The following ATRNL1 variants were observed in gnomAD, a reference collection of about 807,000 sequenced individuals.
The protein encoded by ATRNL1 is attractin like 1, also known as attractin-like protein 1.
Under a neutral mutation model 182.7 loss-of-function variants are expected in ATRNL1, and 95 were observed. The observed-to-expected ratio is 0.52, with a 90% CI of 0.44 to 0.62. ATRNL1 has a LOEUF of 0.62. Among genes scored for constraint, ATRNL1 ranks in the 20% least tolerant of loss-of-function variants. ATRNL1 has a pLI of 0.00. For missense variants in ATRNL1, 1,471 were observed against 1,679.5 expected (o/e 0.88, Z 2.17); for synonymous variants, 576 against 568.3 (o/e 1.01, Z -0.19).
intron 24 of ATRNL1, among the ~76,000 whole-genome samples, chr10:115,473,014 G>A (rs782633334): frequency 7.3e-5 from 11 of 151,006 alleles, no homozygotes; most frequent in Admixed American, 1.3e-4. Flanking sequence ...GGTACATTCC[G>A]CTTAAACCTA....
intron 28 of ATRNL1, among the ~76,000 whole-genome samples, chr10:115,924,276 G>T (rs1318954323): frequency 2.6e-5 from 4 of 151,760 alleles, no homozygotes; most frequent in African/African-American, 9.7e-5. Flanking sequence ...GTCAATTTTG[G>T]CTTTTGTTAC....
At chr10:115,726,330 A>G (rs1230161821) in intron 26 of ATRNL1, among the ~76,000 whole-genome samples, 4 of 152,218 alleles carry the variant, frequency 2.6e-5, no homozygotes, top group Non-Finnish European at 5.9e-5. Context: ...CCTTTCTTCA[A>G]TAATACAATT....
chr10:115,199,810 A>G (rs1848492583), intron 8 of ATRNL1, among the ~76,000 whole-genome samples: 2 of 152,164 alleles, frequency 1.3e-5, no homozygotes, highest in African/African-American at 4.8e-5. Context: ...ATTTTCAAGA[A>G]TTAACAGGAC....
At chr10:115,648,953 C>T (rs144243292) in intron 26 of ATRNL1, among the ~76,000 whole-genome samples, 2 of 152,170 alleles carry the variant, frequency 1.3e-5, no homozygotes, top group African/African-American at 4.8e-5. Flanking sequence ...CTGTGTTCAC[C>T]TCTAGCCTCT....
intron 9 of ATRNL1, among the ~76,000 whole-genome samples, chr10:115,230,938 A>G (rs1849921954): frequency 6.6e-6 from 1 of 150,650 alleles, no homozygotes; most frequent in Non-Finnish European, 1.5e-5. Flanking sequence ...AGAAATAGTG[A>G]AAGATGAAGC....
At chr10:115,629,245 A>C (rs1203208565) in intron 26 of ATRNL1, among the ~76,000 whole-genome samples, 5 of 152,152 alleles carry the variant, frequency 3.3e-5, no homozygotes, top group African/African-American at 9.6e-5. Context: ...CTTTACTCTC[A>C]AGGAAGAGCT....
intron 26 of ATRNL1, among the ~76,000 whole-genome samples, chr10:115,603,487 T>C (rs900070868): frequency 6.6e-6 from 1 of 152,150 alleles, no homozygotes; most frequent in Non-Finnish European, 1.5e-5. Context: ...CTTAAAAAAT[T>C]ACAAGAGTTT....
intron 27 of ATRNL1, among the ~76,000 whole-genome samples, chr10:115,791,346 G>A (rs1949527350): frequency 6.6e-6 from 1 of 152,020 alleles, no homozygotes; most frequent in Non-Finnish European, 1.5e-5. Context: ...AATATATCAT[G>A]TGTACAGGAG....
chr10:115,536,513 T>A (rs753705326), intron 25 of ATRNL1, among the ~76,000 whole-genome samples: 54 of 152,342 alleles, frequency 3.5e-4, no homozygotes, highest in Non-Finnish European at 7.1e-4. Context: ...GTGCCGTCTG[T>A]CACCCCTTTC....
intron 27 of ATRNL1, among the ~76,000 whole-genome samples, chr10:115,796,021 G>T (rs570963347): frequency 2.8e-4 from 43 of 152,062 alleles, no homozygotes; most frequent in African/African-American, 1.0e-3. Context: ...TCCTCACTCT[G>T]CCTGGGCACC....
chr10:115,128,536 T>C, intron 4 of ATRNL1: 2 of 428,860 alleles, frequency 4.7e-6, no homozygotes, highest in Non-Finnish European at 6.2e-6. Flanking sequence ...AACAAATATA[T>C]AGTAGAATAT....
rs574417337 is a variant in ATRNL1, at chr10:115,905,872, A to G, written c.4019-38786A>G. The stretch of plus-strand genomic sequence containing the variant: ...GATAAATAATTGTTTTTATGAAAAG[A>G]ACTTAAGAGAAGTTAATTCCTCCTC... On this transcript the variant is annotated intron_variant, in intron 28 of 28. Coordinates refer to ENST00000355044, the MANE Select transcript of ATRNL1 (RefSeq NM_207303.4). Among the ~76,000 whole-genome samples the G allele has an allele frequency of 4.6e-5, 7 of 152,332 alleles. No individual in the cohort carries two copies. In the East Asian group the frequency reaches 1.4e-3, roughly 29 times the overall value.
At chr10:115,572,199 G>C (rs1854434684) in intron 26 of ATRNL1, among the ~76,000 whole-genome samples, 1 of 151,922 alleles carries the variant, frequency 6.6e-6, no homozygotes, top group Non-Finnish European at 1.5e-5. Context: ...TATATATATA[G>C]TATTGCAGTA....
intron 27 of ATRNL1, among the ~76,000 whole-genome samples, chr10:115,813,628 T>C (rs1950098907): frequency 1.3e-5 from 2 of 152,212 alleles, no homozygotes; most frequent in East Asian, 3.9e-4. Flanking sequence ...AATAACCTTC[T>C]CTAAATTAAT....
chr10:115,896,150 A>G (rs1183498857), intron 28 of ATRNL1, among the ~76,000 whole-genome samples: 2 of 152,192 alleles, frequency 1.3e-5, no homozygotes, highest in African/African-American at 4.8e-5. Flanking sequence ...AAAACCCATA[A>G]AAACATATTG....
intron 5 of ATRNL1, among the ~76,000 whole-genome samples, chr10:115,133,266 G>A (rs1354254883): frequency 2.0e-5 from 3 of 151,934 alleles, no homozygotes; most frequent in African/African-American, 7.3e-5. Flanking sequence ...ATTTCTGAGG[G>A]CTCTGTTCTG....
intron 19 of ATRNL1, among the ~76,000 whole-genome samples, chr10:115,360,553 T>C (rs1226215695): frequency 6.6e-6 from 1 of 151,700 alleles, no homozygotes; most frequent in South Asian, 2.1e-4. Flanking sequence ...TTATTAAATA[T>C]AGATTTTATT....
intron 24 of ATRNL1, among the ~76,000 whole-genome samples, chr10:115,470,565 T>A (rs1394170310): frequency 6.6e-6 from 1 of 150,676 alleles, no homozygotes; most frequent in Non-Finnish European, 1.5e-5. Flanking sequence ...AAAATTGATA[T>A]GATTATATTT....
intron 26 of ATRNL1, among the ~76,000 whole-genome samples, chr10:115,638,246 A>G (rs1555028997): frequency 2.0e-5 from 3 of 152,178 alleles, no homozygotes; most frequent in Admixed American, 1.3e-4. Flanking sequence ...ACAATTGCCT[A>G]CAGTCTTCAG....
Sources: allele counts gnomAD v4.1 joint callset (sites outside exome capture counted in the v4.1 genomes callset), GRCh38; gene constraint gnomAD v4.1.1; transcripts MANE v1.5; gene names NCBI Gene and HGNC (gene_info 2026-07-23, HGNC 2026-07-21).